Variants in OXNAD1 observed in about 807,000 individuals in gnomAD.
OXNAD1 encodes the protein oxidoreductase NAD-binding domain-containing protein 1.
Under a neutral mutation model 32.9 loss-of-function variants are expected in OXNAD1, and 34 were observed. That is an observed-to-expected ratio of 1.03 (90% CI 0.79 to 1.38). The LOEUF (loss-of-function observed/expected upper bound fraction) is 1.38, where lower values mean the gene tolerates loss of function less well. Ranked by LOEUF, OXNAD1 falls within the 40% of genes most tolerant of loss-of-function variation. The pLI, the probability that OXNAD1 is intolerant of heterozygous loss-of-function variation, is 0.00. For missense variants in OXNAD1, 407 were observed against 379.4 expected (o/e 1.07, Z -0.60); for synonymous variants, 134 against 135.2 (o/e 0.99, Z 0.06).
Position 16,290,385 on chromosome 3 carries a change from T to A in OXNAD1, c.290+3937T>A, listed in dbSNP as rs1028844866. Among the ~76,000 whole-genome samples, 4 of 152,232 alleles carry A rather than the reference T, an allele frequency of 2.6e-5. No individual in the cohort carries two copies. Among genetic ancestry groups the A allele is most frequent in the African/African-American group, 9.6e-5 (4 of 41,454 alleles). On this transcript the variant is annotated intron_variant, in intron 5 of 8. Transcript: ENST00000285083. This position sits in a 1 kb window ranked among gnomAD's most constrained non-coding sequence, Gnocchi z 4.2. ...ATGTAACTTAAATTCTTCTGTATTT[T>A]TTAATGAAGGAGTCCTTTTTTTCCA...
intron 9 of OXNAD1, among the ~76,000 whole-genome samples, chr3:16,324,687 T>TGTGTGTGTGTGTGTG (rs2069514323): frequency 1.7e-5 from 2 of 118,212 alleles, no homozygotes; most frequent in Admixed American, 8.7e-5. Flanking sequence ...TGTGTGTGTA[T>TGTGTGTGTGTGTGTG]TTTATATATA....
rs1305173467 is a variant in OXNAD1 at position 16,303,358 on chromosome 3, T to C, written c.785-50T>C. 1.9e-6 allele frequency: 3 copies of C among 1,595,120 alleles called. No individual in the cohort carries two copies. The highest frequency in any genetic ancestry group is 2.6e-6 in the Non-Finnish European group (3 of 1,167,078). On this transcript the variant is annotated intron_variant, in intron 8 of 8. Coordinates refer to ENST00000285083, the MANE Select transcript of OXNAD1 (RefSeq NM_138381.5). The surrounding 1 kb of genome is among the most constrained non-coding windows in gnomAD (Gnocchi z 4.8). ...TTGTGGTTAGTCCTTCCTCATTTGC[T>C]GATACAACCATGTCTGGCTTAATTT... is the stretch of plus-strand genomic sequence containing the variant.
chr3:16,323,342 A>C lies in OXNAD1; in HGVS notation c.*31-13770A>C, dbSNP rs567669229. 2.7e-6 allele frequency: 4 copies of C among 1,488,144 alleles called. No individual in the cohort carries two copies. In the African/African-American group the frequency reaches 5.6e-5, roughly 21 times the overall value. 92.2% of individuals were successfully genotyped at this position (1,488,144 alleles called of 1,614,324 possible). A position where few individuals can be genotyped will look rare whatever the true frequency, so the allele number is the denominator to read the frequency against. ...ATCCACTGAAGATGAAGCCCTGCTG[A>C]GGAAAACCTAGGAAGGCCATCAAAG... On this transcript the variant is annotated intron_variant, in intron 9 of 9. Coordinates refer to the OXNAD1 transcript ENST00000435829.
In OXNAD1 at chr3:16,303,598, A is replaced by C; in HGVS notation, c.*36A>C. On this transcript the variant is annotated 3_prime_UTR_variant, in exon 9 of 9. Transcript: ENST00000285083. This position sits in a 1 kb window ranked among gnomAD's most constrained non-coding sequence, Gnocchi z 4.8. Reference sequence around the variant, plus strand: ...AAGGCAGAAAAAATAAAGAGGTGAGATCTACTCAGGAGAGCTCCTGTCCTT... The same window carrying C: ...AAGGCAGAAAAAATAAAGAGGTGAGCTCTACTCAGGAGAGCTCCTGTCCTT... 6.2e-7 allele frequency: 1 copy of C among 1,605,434 alleles called. No homozygotes were observed. The highest frequency in any genetic ancestry group is 8.5e-7 in the Non-Finnish European group (1 of 1,174,504).
rs1245585516 is a variant in OXNAD1, at chr3:16,316,569, C to T, written c.*30+12977C>T. The stretch of plus-strand genomic sequence containing the variant: ...AGTGGTGGAGCCAGGACTGGGCCTT[C>T]AGCCATGAGGGCTAGAATAACCTGA... On this transcript the variant is annotated intron_variant, in intron 9 of 9. Coordinates refer to the OXNAD1 transcript ENST00000435829. This position sits in a 1 kb window ranked among gnomAD's most constrained non-coding sequence, Gnocchi z 4.5. 9 of 513,494 alleles carry T rather than the reference C, an allele frequency of 1.8e-5. No individual in the cohort carries two copies. The highest frequency in any genetic ancestry group is 3.1e-5 in the Non-Finnish European group (9 of 286,356). The allele number at this position is 513,494 out of a possible 1,614,324, so 31.8% of individuals were successfully genotyped here.
At chr3:16,285,248 G>A (rs573794536) in intron 4 of OXNAD1, among the ~76,000 whole-genome samples, 24 of 152,218 alleles carry the variant, frequency 1.6e-4, no homozygotes, top group Non-Finnish European at 3.1e-4. Flanking sequence ...TCCACTAATA[G>A]TTTGATGAGA....
intron 9 of OXNAD1, among the ~76,000 whole-genome samples, chr3:16,330,663 G>A (rs1231821336): frequency 6.6e-6 from 1 of 152,216 alleles, no homozygotes; most frequent in Admixed American, 6.5e-5. Context: ...AGCATGTCCT[G>A]TGGTTTTTCA....
intron 2 of OXNAD1, among the ~76,000 whole-genome samples, chr3:16,270,651 A>T (rs2064858712): frequency 6.6e-6 from 1 of 152,214 alleles, no homozygotes; most frequent in Non-Finnish European, 1.5e-5. Context: ...ATAGCATAAG[A>T]TTAGTCATGT....
At chr3:16,332,992 G>A (rs1215098660) in intron 9 of OXNAD1, among the ~76,000 whole-genome samples, 2 of 152,136 alleles carry the variant, frequency 1.3e-5, no homozygotes, top group East Asian at 3.8e-4. Flanking sequence ...CAACAGTTTT[G>A]CAAACTGATC....
chr3:16,269,075 C>G (rs1210080865), intron 1 of OXNAD1, 51 bp from the exon 2 acceptor site: 2 of 1,388,670 alleles, frequency 1.4e-6, no homozygotes, highest in East Asian at 5.5e-5. Flanking sequence ...GGTAATAGTG[C>G]TTTTGATCAG....
chr3:16,338,896 CTGTCAACGT>C (rs2071108601), downstream of OXNAD1, among the ~76,000 whole-genome samples: 1 of 152,216 alleles, frequency 6.6e-6, no homozygotes, highest in Admixed American at 6.5e-5. The surrounding 1 kb of genome is among the most constrained non-coding windows in gnomAD (Gnocchi z 5.3). Flanking sequence ...GAACCCAAAA[CTGTCAACGT>C]TGTCCCCTCC....
rs1322181515 is a variant in OXNAD1 at position 16,312,727 on chromosome 3, T to C, written c.*30+9135T>C. Among the ~76,000 whole-genome samples, 1 of 152,200 alleles carries C rather than the reference T, an allele frequency of 6.6e-6. No homozygotes were observed. Among genetic ancestry groups the C allele is most frequent in the Non-Finnish European group, 1.5e-5 (1 of 68,034 alleles). ...GGTTTAGAGAGGGCCATGATGAATATGTTTAGAGTACTGATAAAATGTGCT... is the reference window on the plus strand; with the variant it reads ...GGTTTAGAGAGGGCCATGATGAATACGTTTAGAGTACTGATAAAATGTGCT... On this transcript the variant is annotated intron_variant, in intron 9 of 9. Coordinates refer to the OXNAD1 transcript ENST00000435829. The surrounding 1 kb of genome is among the most constrained non-coding windows in gnomAD (Gnocchi z 4.7).
chr3:16,284,820 C>T lies in OXNAD1; in HGVS notation c.184-1522C>T, dbSNP rs1466534391. ...GGTAGAGCCAGGACTAAATACCAGG[C>T]AGTCCAGCTGCAGAGCCCATGCTGT... On this transcript the variant is annotated intron_variant, in intron 4 of 8. Coordinates refer to ENST00000285083, the MANE Select transcript of OXNAD1 (RefSeq NM_138381.5). The surrounding 1 kb of genome is among the most constrained non-coding windows in gnomAD (Gnocchi z 4.1). Among the ~76,000 whole-genome samples, 2 of 152,272 alleles carry T rather than the reference C, an allele frequency of 1.3e-5. No individual in the cohort carries two copies. The highest frequency in any genetic ancestry group is 2.9e-5 in the Non-Finnish European group (2 of 68,050).
chr3:16,276,602 T>G (rs1349910807), intron 4 of OXNAD1: 1 of 164,094 alleles, frequency 6.1e-6, no homozygotes, highest in Non-Finnish European at 1.3e-5. Flanking sequence ...GTCTTTGTTT[T>G]TTTTGTTCCT....
downstream of OXNAD1, among the ~76,000 whole-genome samples, chr3:16,309,767 C>T (rs2067838664): frequency 6.6e-6 from 1 of 152,172 alleles, no homozygotes; most frequent in Non-Finnish European, 1.5e-5. Flanking sequence ...TGACTCATTC[C>T]ACCTCTCTCT....
In OXNAD1 at chr3:16,303,383, T is replaced by G. The variant is rs760676696; in HGVS notation, c.785-25T>G. On this transcript the variant is annotated intron_variant, in intron 8 of 8. Coordinates refer to ENST00000285083, the MANE Select transcript of OXNAD1 (RefSeq NM_138381.5). This position sits in a 1 kb window ranked among gnomAD's most constrained non-coding sequence, Gnocchi z 4.8. ...TGATACAACCATGTCTGGCTTAATT[T>G]GGTGTTTATTCTGGTTTTTGGTAGA... The G allele has an allele frequency of 5.0e-6, 8 of 1,611,668 alleles. No homozygotes were observed. The South Asian group carries it at 7.7e-5, about 16-fold the overall frequency.
intron 4 of OXNAD1, among the ~76,000 whole-genome samples, chr3:16,281,671 T>C (rs1057407767): frequency 2.6e-5 from 4 of 152,156 alleles, no homozygotes; most frequent in Admixed American, 1.3e-4. Context: ...AATTTTACAT[T>C]TGGACATTGG....
downstream of OXNAD1, among the ~76,000 whole-genome samples, chr3:16,306,852 T>A (rs1458587539): frequency 6.6e-6 from 1 of 152,254 alleles, no homozygotes. Context: ...TCTGTCCCAC[T>A]TTTAATGCTG....
At chr3:16,311,012 A>AAT (rs2067943309), downstream of OXNAD1, among the ~76,000 whole-genome samples, 4 of 98,562 alleles carry the variant, frequency 4.1e-5, no homozygotes, top group Admixed American at 1.8e-4. Flanking sequence ...AAAAAAAAAA[A>AAT]AATCATCTGG....
Sources: allele counts gnomAD v4.1 joint callset (sites outside exome capture counted in the v4.1 genomes callset), GRCh38; gene constraint gnomAD v4.1.1; non-coding constraint Gnocchi (gnomAD v3.1); transcripts MANE v1.5; gene names NCBI Gene and HGNC (gene_info 2026-07-23, HGNC 2026-07-21).